DLG2: variants seen among roughly 807,000 people sequenced by gnomAD.
DLG2 encodes the protein discs large MAGUK scaffold protein 2.
A neutral mutation model predicts 132.5 loss-of-function variants in DLG2; 45 were observed. That is an observed-to-expected ratio of 0.34 (90% CI 0.27 to 0.44). The LOEUF is 0.44. DLG2 is among the 20% of genes least tolerant of loss of function. DLG2 has a pLI of 1.00. For synonymous variants in DLG2, 424 were observed against 419.6 expected, an observed-to-expected ratio of 1.01 and a Z score of -0.13; for missense variants, 1,045 against 1,196.9, an observed-to-expected ratio of 0.87 and a Z score of 1.87.
chr11:84,502,940 AG>A (rs1342652249), intron 7 of DLG2, among the ~76,000 whole-genome samples: 4 of 152,222 alleles, frequency 2.6e-5, no homozygotes, highest in Non-Finnish European at 4.4e-5. Flanking sequence ...GAAGAAGGTC[AG>A]GGATAAGTGC....
intron 8 of DLG2, among the ~76,000 whole-genome samples, chr11:84,231,918 T>A (rs2097098791): frequency 1.3e-5 from 2 of 152,004 alleles, no homozygotes; most frequent in African/African-American, 4.8e-5. Context: ...TTAGCAAACA[T>A]ACTATGTAAG....
intron 6 of DLG2, among the ~76,000 whole-genome samples, chr11:84,660,556 C>A (rs1014883134): frequency 2.0e-5 from 3 of 152,018 alleles, no homozygotes; most frequent in Admixed American, 1.3e-4. Flanking sequence ...AGTAGAAATG[C>A]TAGAATCTGA....
At chr11:84,550,652 T>C (rs570213798) in intron 6 of DLG2, among the ~76,000 whole-genome samples, 53 of 152,312 alleles carry the variant, frequency 3.5e-4, no homozygotes, top group Middle Eastern at 3.4e-3. Context: ...CAGACTTTGT[T>C]CCTGGTCCTG....
intron 6 of DLG2, among the ~76,000 whole-genome samples, chr11:84,809,590 A>G (rs1360344855): frequency 6.6e-6 from 1 of 151,980 alleles, no homozygotes; most frequent in African/African-American, 2.4e-5. Flanking sequence ...GTAACACTAT[A>G]AAAGCATACA....
chr11:84,770,899 A>C (rs1597717653), intron 6 of DLG2, among the ~76,000 whole-genome samples: 1 of 150,082 alleles, frequency 6.7e-6, no homozygotes, highest in East Asian at 2.0e-4. Context: ...CTGCCTGCCC[A>C]CCTTGGCCTC....
intron 3 of DLG2, among the ~76,000 whole-genome samples, chr11:85,308,967 T>C (rs2080143523): frequency 1.3e-5 from 2 of 152,164 alleles, no homozygotes; most frequent in African/African-American, 4.8e-5. Flanking sequence ...CTCACTTCCA[T>C]GAGATGCATA....
chr11:85,277,338 T>C (rs1174864725), intron 4 of DLG2, among the ~76,000 whole-genome samples: 1 of 152,138 alleles, frequency 6.6e-6, no homozygotes, highest in South Asian at 2.1e-4. Context: ...AGGTCAAACA[T>C]AGAGATATTT....
At chr11:83,572,770 T>C (rs537629629) in intron 19 of DLG2, among the ~76,000 whole-genome samples, 1 of 152,166 alleles carries the variant, frequency 6.6e-6, no homozygotes, top group Non-Finnish European at 1.5e-5. Context: ...TCACTCTTTG[T>C]TGGATGGGTC....
intron 6 of DLG2, among the ~76,000 whole-genome samples, chr11:85,050,118 T>TCACACACACACACACACACACACACA (rs33991615): frequency 2.9e-5 from 4 of 136,736 alleles, no homozygotes; most frequent in Admixed American, 2.2e-4. Context: ...CACTGTGTCA[T>TCACACACACACACACACACACACACA]CACACACACA....
chr11:84,129,885 C>A (rs143245111), intron 9 of DLG2, among the ~76,000 whole-genome samples: 1 of 152,050 alleles, frequency 6.6e-6, no homozygotes, highest in East Asian at 1.9e-4. Flanking sequence ...GAAACCTGGT[C>A]TTTCTACAAT....
At chr11:85,319,474 C>T (rs1301467230) in intron 3 of DLG2, among the ~76,000 whole-genome samples, 1 of 151,750 alleles carries the variant, frequency 6.6e-6, no homozygotes, top group African/African-American at 2.4e-5. Flanking sequence ...AGAACTCTTG[C>T]TATATAAATG....
At chr11:85,124,555 G>A (rs1334577460) in intron 5 of DLG2, among the ~76,000 whole-genome samples, 7 of 152,298 alleles carry the variant, frequency 4.6e-5, no homozygotes, top group Admixed American at 3.3e-4. Context: ...GATAAAGTGA[G>A]TTTACTAAGA....
chr11:85,363,744 G>T (rs2084331980), intron 3 of DLG2, among the ~76,000 whole-genome samples: 1 of 152,170 alleles, frequency 6.6e-6, no homozygotes, highest in Non-Finnish European at 1.5e-5. Flanking sequence ...AAAATTTTAA[G>T]TGCTTTGGCA....
intron 6 of DLG2, among the ~76,000 whole-genome samples, chr11:85,056,237 G>A (rs564283996): frequency 6.6e-6 from 1 of 152,102 alleles, no homozygotes; most frequent in African/African-American, 2.4e-5. Flanking sequence ...GTACTTTTCT[G>A]TATAGATGTT....
chr11:85,607,222 G>A (rs559847883), intron 2 of DLG2, among the ~76,000 whole-genome samples: 1 of 152,208 alleles, frequency 6.6e-6, no homozygotes, highest in South Asian at 2.1e-4. Context: ...AAAGACACGG[G>A]TGTCAGGCTT....
intron 3 of DLG2, among the ~76,000 whole-genome samples, chr11:85,467,325 G>A (rs948213775): frequency 8.5e-5 from 13 of 152,180 alleles, no homozygotes; most frequent in Non-Finnish European, 1.6e-4. Context: ...TGATTGCCCT[G>A]GCCAGAACTT....
intron 17 of DLG2, among the ~76,000 whole-genome samples, chr11:83,817,923 TAC>T (rs1380430210): frequency 6.6e-6 from 1 of 152,200 alleles, no homozygotes; most frequent in Non-Finnish European, 1.5e-5. Flanking sequence ...ATAACTAACA[TAC>T]GTTTAGTCAT....
intron 9 of DLG2, among the ~76,000 whole-genome samples, chr11:84,112,713 G>C (rs964967391): frequency 3.9e-5 from 6 of 152,094 alleles, no homozygotes; most frequent in Non-Finnish European, 5.9e-5. Flanking sequence ...GACTTAACAA[G>C]ACTTTAACAC....
intron 6 of DLG2, among the ~76,000 whole-genome samples, chr11:84,757,899 A>G (rs1286202280): frequency 2.0e-5 from 3 of 152,190 alleles, no homozygotes; most frequent in Non-Finnish European, 4.4e-5. Context: ...AGTCTCAGCC[A>G]AAAAGGCATG....
Sources: gnomAD v4.1 joint callset for allele counts (sites outside exome capture counted in the v4.1 genomes callset) on GRCh38, gnomAD v4.1.1 for gene constraint, MANE v1.5 for transcripts, NCBI Gene and HGNC (gene_info 2026-07-23, HGNC 2026-07-21) for gene names.